REV3L: variants seen among roughly 807,000 people sequenced by gnomAD.
REV3L encodes REV3 like, DNA directed polymerase zeta catalytic subunit, also known as DNA polymerase zeta catalytic subunit.
In REV3L, 69 loss-of-function variants were observed where a neutral mutation model predicts 299.4. That is an observed-to-expected ratio of 0.23 (90% CI 0.19 to 0.28). The LOEUF is 0.28. Among genes scored for constraint, REV3L ranks in the 10% least tolerant of loss-of-function variants. The pLI is 1.00. For missense variants in REV3L, 3,128 were observed against 3,693.8 expected (o/e 0.85, Z 3.97); for synonymous variants, 1,238 against 1,271.4 (o/e 0.97, Z 0.56).
chr6:111,326,612 C>A (rs958335549), intron 25 of REV3L, among the ~76,000 whole-genome samples: 2 of 148,166 alleles, frequency 1.3e-5, no homozygotes, highest in Admixed American at 6.8e-5. Flanking sequence ...TATACCCCCC[C>A]CAAAAAAAAA....
chr6:111,460,372 C>T (rs1790616763), intron 1 of REV3L: 1 of 151,866 alleles, frequency 6.6e-6, no homozygotes, highest in Non-Finnish European at 1.5e-5. Context: ...ATGCAATATA[C>T]CTTTGTAATA....
intron 29 of REV3L, chr6:111,310,539 G>A (rs996453029): frequency 6.4e-6 from 1 of 155,280 alleles, no homozygotes; most frequent in African/African-American, 2.4e-5. Context: ...CAGCTACTTG[G>A]GAGGCTGATG....
At chr6:111,347,743 T>A (rs1777169755) in intron 20 of REV3L, among the ~76,000 whole-genome samples, 1 of 152,198 alleles carries the variant, frequency 6.6e-6, no homozygotes, top group African/African-American at 2.4e-5. Context: ...TGGAGTGTGG[T>A]GGTGCAATCT....
intron 30 of REV3L, 48 bp from the exon 31 acceptor site, chr6:111,307,618 A>G (rs778344512): frequency 1.9e-6 from 3 of 1,562,956 alleles, no homozygotes; most frequent in Non-Finnish European, 2.6e-6. Flanking sequence ...CTTCACAGCA[A>G]AGCTGCTATT....
At chr6:111,315,451 T>C (rs1773414599) in intron 26 of REV3L, 70 bp from the exon 27 acceptor site, 3 of 1,171,218 alleles carry the variant, frequency 2.6e-6, no homozygotes, top group East Asian at 5.0e-5. Flanking sequence ...AAGAGTAACT[T>C]TCCTGGCTAT....
chr6:111,447,816 T>C (rs2128313592), intron 1 of REV3L, among the ~76,000 whole-genome samples: 1 of 152,308 alleles, frequency 6.6e-6, no homozygotes, highest in East Asian at 1.9e-4. Context: ...TAATAGATGC[T>C]CTATATATGT....
At position 111,416,302 on chromosome 6, in the gene REV3L, C is replaced by T. The variant is rs1323799979; in HGVS notation, c.310G>A (p.Val104Met). 1 of 1,612,194 alleles carries T rather than the reference C, an allele frequency of 6.2e-7. No individual in the cohort carries two copies. The highest frequency in any genetic ancestry group is 8.5e-7 in the Non-Finnish European group (1 of 1,178,890). The part of the protein sequence containing the change: ...PSSTAQHVFK[V>M]SLVSGMPFYG... ...ACTTACATTCCTGATACTAATGACACTTTGAACACATGCTGAGCAGTGGAA... is the reference window on the plus strand; with the variant it reads ...ACTTACATTCCTGATACTAATGACATTTTGAACACATGCTGAGCAGTGGAA... The change falls in exon 2 of 32, where the codon GTG becomes ATG. Residue 104 changes from valine to methionine, a missense_variant. Coordinates refer to ENST00000368802, the MANE Select transcript of REV3L (RefSeq NM_001372078.1).
chr6:111,299,823 G>T lies in REV3L; in HGVS notation c.*193C>A. ...TAAAAGGTGACAGAATGAGGAATTT[G>T]TACATTGTAAGAAGTGAGCTATTCA... On this transcript the variant is annotated 3_prime_UTR_variant, in exon 32 of 32. Transcript: ENST00000368802. 1 of 446,562 alleles carries T rather than the reference G, an allele frequency of 2.2e-6. No homozygotes were observed. The highest frequency in any genetic ancestry group is 3.9e-6 in the Non-Finnish European group (1 of 259,044). 27.7% of individuals were successfully genotyped at this position (446,562 alleles called of 1,614,324 possible). A position where few individuals can be genotyped will look rare whatever the true frequency, so the allele number is the denominator to read the frequency against.
chr6:111,403,445 T>C (rs767653446), intron 4 of REV3L, among the ~76,000 whole-genome samples: 16 of 152,224 alleles, frequency 1.1e-4, no homozygotes, highest in South Asian at 4.1e-4. Flanking sequence ...ATTGGTGCCA[T>C]TTTTACAAGA....
rs1475522339 is a variant in REV3L at position 111,455,220 on chromosome 6, G to A, written c.139+27530C>T. Among the ~76,000 whole-genome samples, 4 of 151,884 alleles carry A rather than the reference G, an allele frequency of 2.6e-5. No homozygotes were observed. The East Asian group carries it at 7.7e-4, about 29-fold the overall frequency. The stretch of plus-strand genomic sequence containing the variant: ...GTAGATGATGTCTCAGGACAGTCTT[G>A]AAGTGTGAAGAATTCACCAGTAGAA... On this transcript the variant is annotated intron_variant, in intron 1 of 31. Transcript: ENST00000368802.
intron 26 of REV3L, chr6:111,315,659 C>T (rs1773441458): frequency 5.2e-6 from 2 of 386,664 alleles, no homozygotes; most frequent in Non-Finnish European, 9.6e-6. Context: ...CATCCCTGGA[C>T]ATTTAAGGCT....
intron 1 of REV3L, among the ~76,000 whole-genome samples, chr6:111,424,419 A>T (rs1351528971): frequency 2.0e-5 from 3 of 152,330 alleles, no homozygotes; most frequent in East Asian, 1.9e-4. Flanking sequence ...ACTGGCAAAA[A>T]CTGTCAAAAG....
chr6:111,363,146 T>C (rs1445820450), intron 16 of REV3L, among the ~76,000 whole-genome samples: 1 of 152,236 alleles, frequency 6.6e-6, no homozygotes, highest in Non-Finnish European at 1.5e-5. Context: ...GATAGCTGGA[T>C]TAAGTAGAGA....
chr6:111,334,738 T>C (rs1299086673), intron 22 of REV3L, among the ~76,000 whole-genome samples: 6 of 152,196 alleles, frequency 3.9e-5, no homozygotes, highest in Non-Finnish European at 7.4e-5. Flanking sequence ...ATAAATAGCT[T>C]ATAAGCAATT....
chr6:111,454,520 C>T (rs916376038), intron 1 of REV3L, among the ~76,000 whole-genome samples: 2 of 152,138 alleles, frequency 1.3e-5, no homozygotes, highest in Non-Finnish European at 2.9e-5. Flanking sequence ...TCATCACAAA[C>T]TCTGTACCCA....
At chr6:111,451,846 GA>G (rs36014006) in intron 1 of REV3L, among the ~76,000 whole-genome samples, 401 of 132,042 alleles carry the variant, frequency 3.0e-3, no homozygotes, top group Admixed American at 7.0e-3. Flanking sequence ...ATCACGAAAG[GA>G]AAAAAAAAAA....
At chr6:111,404,560 T>C (rs1419924083) in intron 4 of REV3L, among the ~76,000 whole-genome samples, 1 of 152,184 alleles carries the variant, frequency 6.6e-6, no homozygotes, top group Non-Finnish European at 1.5e-5. Context: ...GGGCAAAATA[T>C]ATTGAAAACC....
chr6:111,347,200 C>T lies in REV3L; in HGVS notation c.7419+2018G>A, dbSNP rs570612440. 2.0e-5 allele frequency among the ~76,000 whole-genome samples: 3 copies of T among 151,994 alleles called. No homozygotes were observed. The South Asian group carries it at 6.3e-4, about 32-fold the overall frequency. ...AGGAGAATTGCTTGAACCCAGGAGG[C>T]GGAGGTTGCGGTGAGCCGAGACTGC... On this transcript the variant is annotated intron_variant, in intron 20 of 31. Transcript: ENST00000368802.
chr6:111,473,699 T>C (rs761535273), intron 1 of REV3L, among the ~76,000 whole-genome samples: 4 of 152,092 alleles, frequency 2.6e-5, no homozygotes, highest in Admixed American at 6.6e-5. Flanking sequence ...GCAGTTCTTT[T>C]AATAATTCCT....
Sources: gnomAD v4.1 joint callset for allele counts (sites outside exome capture counted in the v4.1 genomes callset) on GRCh38, gnomAD v4.1.1 for gene constraint, MANE v1.5 for transcripts, NCBI Gene and HGNC (gene_info 2026-07-23, HGNC 2026-07-21) for gene names.